PRR5L: variants seen among roughly 807,000 people sequenced by gnomAD.
PRR5L encodes proline rich 5 like, also known as proline-rich protein 5-like.
In PRR5L, 21 loss-of-function variants were observed where a neutral mutation model predicts 36.4. That is an observed-to-expected ratio of 0.58 (90% CI 0.41 to 0.83). The LOEUF (loss-of-function observed/expected upper bound fraction) is 0.83. PRR5L is among the 40% of genes least tolerant of loss of function. The pLI is 0.00. For missense variants in PRR5L, 381 were observed against 473.3 expected (o/e 0.80, Z 1.81); for synonymous variants, 188 against 197.0 (o/e 0.95, Z 0.38).
At chr11:36,392,031 A>C (rs1857573193) in intron 1 of PRR5L, among the ~76,000 whole-genome samples, 1 of 152,112 alleles carries the variant, frequency 6.6e-6, no homozygotes, top group Admixed American at 6.6e-5. Context: ...AATCATTTTA[A>C]TTTTTAGCTA....
chr11:36,342,842 T>G (rs943966154), intron 1 of PRR5L, among the ~76,000 whole-genome samples: 1 of 152,206 alleles, frequency 6.6e-6, no homozygotes, highest in Non-Finnish European at 1.5e-5. Flanking sequence ...TGTGTCACTT[T>G]GGCACATTGT....
In PRR5L at chr11:36,451,343, G is replaced by A; in HGVS notation, c.712+8G>A. 1.2e-6 allele frequency: 2 copies of A among 1,613,874 alleles called. No individual in the cohort carries two copies. Among genetic ancestry groups the A allele is most frequent in the Non-Finnish European group, 1.7e-6 (2 of 1,179,892 alleles). ...GCCCCACGTACACGCTGGGTAAGGAGTGCAGCTCTCAAGTTGTCAAGAGGC... is the reference window on the plus strand; with the variant it reads ...GCCCCACGTACACGCTGGGTAAGGAATGCAGCTCTCAAGTTGTCAAGAGGC... On this transcript the variant is annotated splice_region_variant and intron_variant, in intron 8 of 8. Coordinates refer to ENST00000530639, the MANE Select transcript of PRR5L (RefSeq NM_001160167.2).
intron 1 of PRR5L, among the ~76,000 whole-genome samples, chr11:36,349,555 G>T (rs1338139239): frequency 6.6e-6 from 1 of 152,088 alleles, no homozygotes; most frequent in East Asian, 1.9e-4. Flanking sequence ...AAGGCGAGGG[G>T]CCTTCTGTTC....
At chr11:36,391,446 G>A (rs913448521) in intron 1 of PRR5L, among the ~76,000 whole-genome samples, 46 of 152,192 alleles carry the variant, frequency 3.0e-4, no homozygotes, top group Non-Finnish European at 4.0e-4. Context: ...ACTCATATAA[G>A]CTGAGTGTTA....
chr11:36,422,809 AT>A (rs577763601), intron 4 of PRR5L, among the ~76,000 whole-genome samples: 14 of 152,150 alleles, frequency 9.2e-5, no homozygotes, highest in African/African-American at 3.4e-4. Context: ...TCCAGTATTG[AT>A]TTTTTTCCCT....
At position 36,350,987 on chromosome 11, in the gene PRR5L, T is replaced by G. The variant is rs867265004; in HGVS notation, c.-125-50010T>G. Reference sequence around the variant, plus strand: ...TTATATATTTATATATATTTATATATTTATATATTTATATATATTTATATA... The same window carrying G: ...TTATATATTTATATATATTTATATAGTTATATATTTATATATATTTATATA... On this transcript the variant is annotated intron_variant, in intron 1 of 8. Transcript: ENST00000530639. Among the ~76,000 whole-genome samples, 62 of 84,990 alleles carry G rather than the reference T, an allele frequency of 7.3e-4. 3 individuals are homozygous for G. Among genetic ancestry groups the G allele is most frequent in the South Asian group, 3.7e-3 (11 of 2,976 alleles). 55.8% of individuals were successfully genotyped at this position (84,990 alleles called of 152,430 possible).
intron 6 of PRR5L, among the ~76,000 whole-genome samples, chr11:36,445,993 T>C (rs1055979886): frequency 2.0e-5 from 3 of 152,170 alleles, no homozygotes; most frequent in African/African-American, 4.8e-5. Flanking sequence ...TCTCTTTGTT[T>C]CTCCCATCTT....
intron 4 of PRR5L, among the ~76,000 whole-genome samples, chr11:36,422,026 G>A (rs140766020): frequency 5.3e-5 from 8 of 152,250 alleles, no homozygotes; most frequent in Admixed American, 2.0e-4. Context: ...TGTTTTAAAC[G>A]TATTTACTTG....
chr11:36,356,571 C>A (rs559205934), intron 1 of PRR5L, among the ~76,000 whole-genome samples: 166 of 152,128 alleles, frequency 1.1e-3, no homozygotes, highest in Non-Finnish European at 1.7e-3. Flanking sequence ...TTTCCAACAG[C>A]GTGTGCTCAC....
At chr11:36,298,522 A>C (rs1447615580) in intron 1 of PRR5L, among the ~76,000 whole-genome samples, 1 of 152,090 alleles carries the variant, frequency 6.6e-6, no homozygotes, top group Non-Finnish European at 1.5e-5. Context: ...AGTTCACAAT[A>C]GGGTTTGTGC....
rs141191320 is a variant in PRR5L, at chr11:36,371,236, G to A, written c.-125-29761G>A. 7.7e-3 allele frequency among the ~76,000 whole-genome samples: 1,169 copies of A among 152,334 alleles called. 17 individuals carry two copies. Among genetic ancestry groups the A allele is most frequent in the African/African-American group, 0.026 (1,095 of 41,564 alleles). On this transcript the variant is annotated intron_variant, in intron 1 of 8. Coordinates refer to ENST00000530639, the MANE Select transcript of PRR5L (RefSeq NM_001160167.2). ...ATTTTTCTACTGTGGAAGTTACAAG[G>A]AAGGCAGAAGGAGGGCAAACTTTTA...
At chr11:36,425,959 C>T (rs927634776) in intron 4 of PRR5L, 1 of 152,232 alleles carries the variant, frequency 6.6e-6, no homozygotes, top group African/African-American at 2.4e-5. Flanking sequence ...GGCAGAGCAA[C>T]ACAGCTGCCA....
At position 36,421,055 on chromosome 11, in the gene PRR5L, G is replaced by T. The variant is rs577599505; in HGVS notation, c.294+1752G>T. Among the ~76,000 whole-genome samples, 3 of 152,250 alleles carry T rather than the reference G, an allele frequency of 2.0e-5. No individual in the cohort carries two copies. In the South Asian group the frequency reaches 6.2e-4, roughly 32 times the overall value. ...CATTTCAGTCACCCTTGACTCAAAG[G>T]TCAGTCTTGGCCTCACTCTCTTCTC... On this transcript the variant is annotated intron_variant, in intron 4 of 8. Coordinates refer to ENST00000530639, the MANE Select transcript of PRR5L (RefSeq NM_001160167.2).
At position 36,387,997 on chromosome 11, in the gene PRR5L, C is replaced by T. The variant is rs148282315; in HGVS notation, c.-125-13000C>T. On this transcript the variant is annotated intron_variant, in intron 1 of 8. Coordinates refer to ENST00000530639, the MANE Select transcript of PRR5L (RefSeq NM_001160167.2). ...TATCCTAAGATGGCAAACACCAGATCGGATTGAGTAATGGCTGCCTCCTTT... is the reference window on the plus strand; with the variant it reads ...TATCCTAAGATGGCAAACACCAGATTGGATTGAGTAATGGCTGCCTCCTTT... The T allele has an allele frequency of 5.3e-5, 8 of 152,306 alleles. No individual in the cohort carries two copies. The East Asian group carries it at 9.6e-4, about 18-fold the overall frequency. The allele number at this position is 152,306 out of a possible 1,614,324, so 9.4% of individuals were successfully genotyped here. A position where few individuals can be genotyped will look rare whatever the true frequency, so the allele number is the denominator to read the frequency against.
intron 1 of PRR5L, among the ~76,000 whole-genome samples, chr11:36,387,392 T>G (rs1400986714): frequency 6.6e-6 from 1 of 151,746 alleles, no homozygotes; most frequent in African/African-American, 2.4e-5. Context: ...GTTGTGCACA[T>G]GTACCCTAGA....
At chr11:36,406,917 G>A (rs1857923732) in intron 3 of PRR5L, among the ~76,000 whole-genome samples, 1 of 152,190 alleles carries the variant, frequency 6.6e-6, no homozygotes, top group Non-Finnish European at 1.5e-5. Flanking sequence ...CTAGCTGTGT[G>A]ACCTTGGGCA....
At chr11:36,327,461 G>T (rs1407419069) in intron 1 of PRR5L, among the ~76,000 whole-genome samples, 1 of 152,078 alleles carries the variant, frequency 6.6e-6, no homozygotes, top group Non-Finnish European at 1.5e-5. Flanking sequence ...ATGACAGCAG[G>T]CCCTGAAAGA....
chr11:36,354,471 G>A (rs10501149), intron 1 of PRR5L, among the ~76,000 whole-genome samples: 42,848 of 152,122 alleles, frequency 0.28, 6,749 homozygotes, highest in East Asian at 0.66. Flanking sequence ...GGGTTTTGAG[G>A]TATCATAAAG....
chr11:36,374,375 G>A (rs895721845), intron 1 of PRR5L, among the ~76,000 whole-genome samples: 1 of 151,810 alleles, frequency 6.6e-6, no homozygotes. Flanking sequence ...TTACAGGCGT[G>A]AGCCACCACA....
Sources: gnomAD v4.1 joint callset for allele counts (sites outside exome capture counted in the v4.1 genomes callset) on GRCh38, gnomAD v4.1.1 for gene constraint, MANE v1.5 for transcripts, NCBI Gene and HGNC (gene_info 2026-07-23, HGNC 2026-07-21) for gene names.